DLGAP2: variants seen among roughly 807,000 people sequenced by gnomAD.
The protein encoded by DLGAP2 is DLG associated protein 2.
Under a neutral mutation model 100.3 loss-of-function variants are expected in DLGAP2, and 26 were observed. The ratio of observed to expected loss-of-function variants is 0.26; its 90% CI spans 0.19 to 0.36. The LOEUF (loss-of-function observed/expected upper bound fraction) is 0.36. DLGAP2 is among the 10% of genes least tolerant of loss of function. The probability of loss-of-function intolerance (pLI) is 1.00; values close to 1 mark genes in which losing one functional copy is unlikely to be tolerated. For synonymous variants in DLGAP2, 886 were observed against 630.1 expected (o/e 1.41, Z -6.08); for missense variants, 1,858 against 1,453.2 (o/e 1.28, Z -4.53).
intron 10 of DLGAP2, among the ~76,000 whole-genome samples, chr8:1,674,930 C>T (rs1798774685): frequency 6.6e-6 from 1 of 152,212 alleles, no homozygotes; most frequent in Admixed American, 6.5e-5. Context: ...CGTAAAATAA[C>T]ACTGATCATG....
At chr8:1,318,735 A>G (rs1046774965) in intron 3 of DLGAP2, among the ~76,000 whole-genome samples, 6 of 148,942 alleles carry the variant, frequency 4.0e-5, no homozygotes, top group Admixed American at 3.4e-4. Flanking sequence ...TACTTAATAT[A>G]TTTTTACTGT....
intron 3 of DLGAP2, among the ~76,000 whole-genome samples, chr8:1,364,765 G>A (rs886235092): frequency 4.6e-5 from 7 of 152,246 alleles, no homozygotes; most frequent in African/African-American, 1.4e-4. Flanking sequence ...AACGAAGGAC[G>A]AGAGGGCTTC....
intron 3 of DLGAP2, among the ~76,000 whole-genome samples, chr8:1,438,703 T>G (rs982429799): frequency 5.9e-5 from 9 of 152,192 alleles, no homozygotes; most frequent in Non-Finnish European, 1.2e-4. Context: ...CAATACACAC[T>G]TCATCAGAAA....
intron 1 of DLGAP2, among the ~76,000 whole-genome samples, chr8:825,134 C>G (rs1004038981): frequency 6.6e-6 from 1 of 152,134 alleles, no homozygotes; most frequent in African/African-American, 2.4e-5. Context: ...TTCCTCTGCC[C>G]TCACTGTCCC....
At chr8:1,546,421 C>T (rs998652395) in intron 4 of DLGAP2, among the ~76,000 whole-genome samples, 9 of 152,216 alleles carry the variant, frequency 5.9e-5, no homozygotes, top group Non-Finnish European at 1.3e-4. Context: ...GAAGCCGGTC[C>T]CTGACTTCCC....
chr8:1,291,790 A>C (rs4141052), intron 3 of DLGAP2, among the ~76,000 whole-genome samples: 20 of 151,992 alleles, frequency 1.3e-4, no homozygotes, highest in Admixed American at 1.3e-3. Flanking sequence ...AGTTTTCATC[A>C]TACGAGCAAA....
intron 6 of DLGAP2, among the ~76,000 whole-genome samples, chr8:1,586,718 G>C (rs1796132629): frequency 6.6e-6 from 1 of 152,204 alleles, no homozygotes. Context: ...TCACTGGACG[G>C]ACACACTGCT....
intron 2 of DLGAP2, among the ~76,000 whole-genome samples, chr8:1,251,751 A>G (rs553500436): frequency 1.3e-5 from 2 of 152,340 alleles, no homozygotes; most frequent in South Asian, 2.1e-4. Context: ...TCATTGTCGT[A>G]CAGTCACGTT....
Position 1,474,139 on chromosome 8 carries a change from T to A in DLGAP2, c.107-27227T>A, listed in dbSNP as rs116802833. ...CAAGCAAGAACATTCAATATTTGGCTTTCCATTCCTGAGTTACTTCCCTTA... is the reference window on the plus strand; with the variant it reads ...CAAGCAAGAACATTCAATATTTGGCATTCCATTCCTGAGTTACTTCCCTTA... On this transcript the variant is annotated intron_variant, in intron 3 of 14. Transcript: ENST00000637795. Among the ~76,000 whole-genome samples the A allele has an allele frequency of 9.9e-3, 1,512 of 152,298 alleles. 33 individuals are homozygous for A. Among genetic ancestry groups the A allele is most frequent in the African/African-American group, 0.035 (1,457 of 41,544 alleles).
chr8:1,497,449 T>C (rs868845800), intron 3 of DLGAP2, among the ~76,000 whole-genome samples: 1 of 152,174 alleles, frequency 6.6e-6, no homozygotes, highest in Non-Finnish European at 1.5e-5. Context: ...GCAGCCAACG[T>C]TGGCTTCCTA....
At chr8:1,373,339 C>T (rs904799203) in intron 3 of DLGAP2, among the ~76,000 whole-genome samples, 3 of 149,504 alleles carry the variant, frequency 2.0e-5, no homozygotes, top group South Asian at 2.1e-4. Flanking sequence ...CTTCCGGAGG[C>T]GCCGCGCCTG....
At chr8:1,229,774 G>A (rs554770026) in intron 2 of DLGAP2, among the ~76,000 whole-genome samples, 10 of 152,080 alleles carry the variant, frequency 6.6e-5, no homozygotes, top group African/African-American at 1.7e-4. Flanking sequence ...AAAACCATAC[G>A]TTCATCTGAG....
chr8:1,414,152 G>T (rs1478362242), intron 3 of DLGAP2, among the ~76,000 whole-genome samples: 3 of 152,276 alleles, frequency 2.0e-5, no homozygotes, highest in African/African-American at 7.2e-5. Flanking sequence ...TTCAGGGTTG[G>T]GGGGAGTTGT....
intron 8 of DLGAP2, among the ~76,000 whole-genome samples, chr8:1,649,578 G>T (rs1798117613): frequency 6.6e-6 from 1 of 152,192 alleles, no homozygotes; most frequent in Non-Finnish European, 1.5e-5. Flanking sequence ...TACTTGGATG[G>T]TGAGATCTGT....
rs115768797 is a variant in DLGAP2 at position 1,024,247 on chromosome 8, G to A, written c.73+116281G>A. Among the ~76,000 whole-genome samples, 51 of 134,060 alleles carry A rather than the reference G, an allele frequency of 3.8e-4. 2 individuals are homozygous for A. The highest frequency in any genetic ancestry group is 3.9e-3 in the Middle Eastern group (1 of 256). 87.9% of individuals were successfully genotyped at this position (134,060 alleles called of 152,430 possible). On this transcript the variant is annotated intron_variant, in intron 2 of 14. Coordinates refer to ENST00000637795, the MANE Select transcript of DLGAP2 (RefSeq NM_001346810.2). ...ACCCTCCCTGGAAGTGGACAGCCCC[G>A]TGCCGAGGCAGACACCCCAGCCACC...
At chr8:897,552 C>G (rs556114847) in intron 1 of DLGAP2, among the ~76,000 whole-genome samples, 2 of 152,216 alleles carry the variant, frequency 1.3e-5, no homozygotes, top group Non-Finnish European at 2.9e-5. Flanking sequence ...AACATGGGCG[C>G]CCGGTAAGAA....
rs184971100 is a variant in DLGAP2, at chr8:1,530,152, A to G, written c.173-18474A>G. 4.8e-3 allele frequency among the ~76,000 whole-genome samples: 734 copies of G among 152,220 alleles called. 5 individuals carry two copies. Among genetic ancestry groups the G allele is most frequent in the Non-Finnish European group, 7.9e-3 (538 of 68,000 alleles). On this transcript the variant is annotated intron_variant, in intron 4 of 14. Coordinates refer to ENST00000637795, the MANE Select transcript of DLGAP2 (RefSeq NM_001346810.2). ...TATTTGGCAGGAATTTCCTCTTCCT[A>G]ATAAGCCTGGGAGCACTATGGGAGA...
At chr8:1,170,307 G>A (rs573026273) in intron 2 of DLGAP2, among the ~76,000 whole-genome samples, 321 of 151,988 alleles carry the variant, frequency 2.1e-3, no homozygotes, top group African/African-American at 7.2e-3. Context: ...GAGGATTTTT[G>A]CATCAATGTT....
At chr8:1,695,322 G>A (rs1300869656) in intron 13 of DLGAP2, among the ~76,000 whole-genome samples, 5 of 146,038 alleles carry the variant, frequency 3.4e-5, no homozygotes, top group East Asian at 2.0e-4. Flanking sequence ...CAGAAAGGGG[G>A]CACAGCCATG....
Sources: gnomAD v4.1 joint callset for allele counts (sites outside exome capture counted in the v4.1 genomes callset) on GRCh38, gnomAD v4.1.1 for gene constraint, MANE v1.5 for transcripts, NCBI Gene and HGNC (gene_info 2026-07-23, HGNC 2026-07-21) for gene names.